The following ACSM3 variants were observed in gnomAD, a reference collection of about 807,000 sequenced individuals.
ACSM3 encodes the protein acyl-coenzyme A synthetase ACSM3, mitochondrial.
Under a neutral mutation model 74.1 loss-of-function variants are expected in ACSM3, and 61 were observed. The ratio of observed to expected loss-of-function variants is 0.82; its 90% confidence interval spans 0.67 to 1.02. The LOEUF (loss-of-function observed/expected upper bound fraction) is 1.02. ACSM3 is among the 50% of genes least tolerant of loss of function. ACSM3 has a pLI of 0.00. For missense variants in ACSM3, 660 were observed against 697.0 expected, an observed-to-expected ratio of 0.95 and a Z score of 0.60; for synonymous variants, 213 against 241.5, an observed-to-expected ratio of 0.88 and a Z score of 1.09.
chr16:20,744,314 G>A (rs1596495903), intron 1 of ACSM3, among the ~76,000 whole-genome samples: 1 of 152,198 alleles, frequency 6.6e-6, no homozygotes, highest in Non-Finnish European at 1.5e-5. Flanking sequence ...GTTGTAACAA[G>A]TAGCCAAATC....
At chr16:20,695,094 C>T (rs2079682416) in intron 1 of ACSM3, among the ~76,000 whole-genome samples, 1 of 152,058 alleles carries the variant, frequency 6.6e-6, no homozygotes, top group South Asian at 2.1e-4. Flanking sequence ...GGCATCATCT[C>T]ACAAATGTGT....
intron 1 of ACSM3, among the ~76,000 whole-genome samples, chr16:20,684,895 G>C (rs1352142958): frequency 6.6e-6 from 1 of 152,166 alleles, no homozygotes; most frequent in Non-Finnish European, 1.5e-5. Flanking sequence ...CACTGCACTT[G>C]AGAGTGTATG....
At chr16:20,701,433 A>C (rs919749270) in intron 1 of ACSM3, among the ~76,000 whole-genome samples, 10 of 152,318 alleles carry the variant, frequency 6.6e-5, no homozygotes, top group Non-Finnish European at 1.3e-4. Context: ...AAGACACTTG[A>C]CAATGTCTAC....
At position 20,797,233 on chromosome 16, in the gene ACSM3, A is replaced by C. The variant is rs910925293; in HGVS notation, c.*261A>C. On this transcript the variant is annotated 3_prime_UTR_variant, in exon 14 of 14. Coordinates refer to ENST00000289416, the MANE Select transcript of ACSM3 (RefSeq NM_005622.4). ...ATTGCTGATTAATTTTTAAATGTAT[A>C]GTATAGAAGCAGTTTCTGAACCAGA... The C allele has an allele frequency of 8.5e-7, 1 of 1,173,764 alleles. No homozygotes were observed. Among genetic ancestry groups the C allele is most frequent in the Non-Finnish European group, 1.1e-6 (1 of 951,702 alleles). The allele number at this position is 1,173,764 out of a possible 1,614,324, so 72.7% of individuals were successfully genotyped here. A position where few individuals can be genotyped will look rare whatever the true frequency, so the allele number is the denominator to read the frequency against.
At chr16:20,697,717 T>G (rs574372167) in intron 1 of ACSM3, 103 of 152,292 alleles carry the variant, frequency 6.8e-4, no homozygotes, top group African/African-American at 2.5e-3. Flanking sequence ...TAGGTTCAGT[T>G]CTCTCTGATC....
intron 7 of ACSM3, among the ~76,000 whole-genome samples, chr16:20,782,465 A>G (rs532774151): frequency 1.3e-5 from 2 of 152,070 alleles, no homozygotes; most frequent in South Asian, 4.2e-4. Flanking sequence ...TCATAACTCA[A>G]CTCCCAGCAA....
intron 1 of ACSM3, among the ~76,000 whole-genome samples, chr16:20,676,804 C>T (rs2020309155): frequency 6.6e-6 from 1 of 151,870 alleles, no homozygotes; most frequent in Non-Finnish European, 1.5e-5. Context: ...GGAAATGACA[C>T]TAGAAGAATA....
intron 2 of ACSM3, among the ~76,000 whole-genome samples, chr16:20,754,006 T>C (rs1242977335): frequency 6.6e-6 from 1 of 152,046 alleles, no homozygotes; most frequent in Non-Finnish European, 1.5e-5. Context: ...GGAGAGGGAA[T>C]GGTGTCAAGT....
chr16:20,703,297 C>T lies in ACSM3; in HGVS notation c.-190+28475C>T, dbSNP rs553792586. 1.4e-3 allele frequency: 206 copies of T among 152,246 alleles called. 1 individual carries two copies. Among genetic ancestry groups the T allele is most frequent in the African/African-American group, 4.5e-3 (187 of 41,546 alleles). 9.4% of individuals were successfully genotyped at this position (152,246 alleles called of 1,614,324 possible). On this transcript the variant is annotated intron_variant, in intron 1 of 3. Coordinates refer to the ACSM3 transcript ENST00000561584. ...CTTAGGATTGTCTTGGCTATATGGG[C>T]TCTTTTTTGTTCCATATGAAATTTA...
Position 20,790,825 on chromosome 16 carries a change from A to G in ACSM3, c.1326+137A>G, listed in dbSNP as rs1407172758. The G allele has an allele frequency of 1.2e-6, 2 of 1,613,838 alleles. No homozygotes were observed. The highest frequency in any genetic ancestry group is 4.5e-5 in the East Asian group (2 of 44,896). Reference sequence around the variant, plus strand: ...GATTGGTTGTCCTGAATAGTAATCCAAAAGACAAGAAATTGAAGAAATACC... The same window carrying G: ...GATTGGTTGTCCTGAATAGTAATCCGAAAGACAAGAAATTGAAGAAATACC... On this transcript the variant is annotated intron_variant, in intron 10 of 13. Coordinates refer to ENST00000289416, the MANE Select transcript of ACSM3 (RefSeq NM_005622.4). This position sits in a 1 kb window ranked among gnomAD's most constrained non-coding sequence, Gnocchi z 4.0.
intron 1 of ACSM3, among the ~76,000 whole-genome samples, chr16:20,693,711 C>G (rs74011823): frequency 0.048 from 7,304 of 152,202 alleles, 588 homozygotes; most frequent in African/African-American, 0.17. Flanking sequence ...TTTATTTTGT[C>G]CCTCCTGCCT....
intron 1 of ACSM3, chr16:20,737,178 T>A: frequency 6.2e-7 from 1 of 1,614,212 alleles, no homozygotes; most frequent in Non-Finnish European, 8.5e-7. Context: ...CAACATGTAA[T>A]CTTTCACAAC....
chr16:20,769,795 A>T (rs1003673357), intron 1 of ACSM3, among the ~76,000 whole-genome samples, 189 bp from the exon 2 acceptor site: 1 of 152,194 alleles, frequency 6.6e-6, no homozygotes, highest in Non-Finnish European at 1.5e-5. Flanking sequence ...CCCACTTCAC[A>T]GGGTTTCTCT....
chr16:20,789,637 T>C (rs1596535866), intron 9 of ACSM3: 1 of 977,648 alleles, frequency 1.0e-6, no homozygotes, highest in Non-Finnish European at 1.6e-6. Flanking sequence ...TGCTAAATGA[T>C]AAAAGCAGGT....
At chr16:20,789,618 A>C in intron 9 of ACSM3, 1 of 1,150,364 alleles carries the variant, frequency 8.7e-7, no homozygotes, top group Admixed American at 1.7e-5. Context: ...AAAGATAATC[A>C]AGACCTATTG....
chr16:20,736,660 A>C, intron 1 of ACSM3: 1 of 514,716 alleles, frequency 1.9e-6, no homozygotes, highest in East Asian at 3.1e-5. Flanking sequence ...CCCTCTTTGC[A>C]ACAGCAGCAC....
At position 20,790,874 on chromosome 16, in the gene ACSM3, T is replaced by A. The variant is rs991663993; in HGVS notation, c.1326+186T>A. On this transcript the variant is annotated intron_variant, in intron 10 of 13. Coordinates refer to ENST00000289416, the MANE Select transcript of ACSM3 (RefSeq NM_005622.4). The surrounding 1 kb of genome is among the most constrained non-coding windows in gnomAD (Gnocchi z 4.0). ...CCCAAATTCTTGCTGAAGAAAAGCA[T>A]GCTGGTCCCCTGAGGCCAGATCACT... The A allele has an allele frequency of 6.2e-7, 1 of 1,614,052 alleles. No individual in the cohort carries two copies. The highest frequency in any genetic ancestry group is 8.5e-7 in the Non-Finnish European group (1 of 1,179,976).
At position 20,689,525 on chromosome 16, in the gene ACSM3, T is replaced by TA. The variant is rs548362843; in HGVS notation, c.-190+14713dup. On this transcript the variant is annotated intron_variant, in intron 1 of 3. Transcript: ENST00000561584. ...AAAAGACATAGATTGGCAGAATGGA[T>TA]AAAAAAAAAATCCAACTACATGCTG... Among the ~76,000 whole-genome samples, 210 of 149,626 alleles carry TA rather than the reference T, an allele frequency of 1.4e-3. 4 individuals carry two copies. In the South Asian group the frequency reaches 0.028, roughly 20 times the overall value.
chr16:20,768,505 C>T (rs937201962), intron 1 of ACSM3, among the ~76,000 whole-genome samples: 8 of 152,194 alleles, frequency 5.3e-5, no homozygotes, highest in African/African-American at 1.9e-4. Context: ...TCACAAATCA[C>T]AGCCTCTAAA....
Sources: gnomAD v4.1 joint callset for allele counts (sites outside exome capture counted in the v4.1 genomes callset) on GRCh38, gnomAD v4.1.1 for gene constraint, Gnocchi (gnomAD v3.1) non-coding constraint, MANE v1.5 for transcripts, NCBI Gene and HGNC (gene_info 2026-07-23, HGNC 2026-07-21) for gene names.